ARHGEF11: variants seen among roughly 807,000 people sequenced by gnomAD.
ARHGEF11 encodes Rho guanine exchange factor (GEF) 11.
Under a neutral mutation model 193.7 loss-of-function variants are expected in ARHGEF11, and 55 were observed. The ratio of observed to expected loss-of-function variants is 0.28; its 90% CI spans 0.23 to 0.36. ARHGEF11 has a LOEUF of 0.36. Among genes scored for constraint, ARHGEF11 ranks in the 10% least tolerant of loss-of-function variants. The pLI is 1.00. For synonymous variants in ARHGEF11, 693 were observed against 768.0 expected, an observed-to-expected ratio of 0.90 and a Z score of 1.62; for missense variants, 1,723 against 2,005.6, an observed-to-expected ratio of 0.86 and a Z score of 2.69.
chr1:156,999,316 G>C (rs1401642038), intron 1 of ARHGEF11, among the ~76,000 whole-genome samples: 1 of 152,144 alleles, frequency 6.6e-6, no homozygotes, highest in Non-Finnish European at 1.5e-5. Flanking sequence ...AGTAGAGCCA[G>C]GACACAAGTT....
chr1:156,978,925 T>C (rs950320323), intron 5 of ARHGEF11, among the ~76,000 whole-genome samples: 1 of 152,212 alleles, frequency 6.6e-6, no homozygotes, highest in East Asian at 1.9e-4. Context: ...GCAGAGGGAA[T>C]TGAAAGGTAT....
chr1:156,947,978 A>T (rs1658454835), intron 24 of ARHGEF11, 22 bp from the exon 25 acceptor site: 1 of 1,608,652 alleles, frequency 6.2e-7, no homozygotes. Context: ...CAGGCAGCTC[A>T]GCTTCATTTA....
rs1663545978 is a variant in ARHGEF11, at chr1:156,978,213, T to A, written c.501A>T (p.Lys167Asn). 3 of 1,613,874 alleles carry A rather than the reference T, an allele frequency of 1.9e-6. No individual in the cohort carries two copies. Among genetic ancestry groups the A allele is most frequent in the Non-Finnish European group, 2.5e-6 (3 of 1,179,996 alleles). ...LPPPQRITGP[K>N]PLQDPEVQKH... The stretch of plus-strand genomic sequence containing the variant: ...CCAGGAGGATTATTACCTGCAGAGG[T>A]TTGGGTCCTGTGATGCGTTGTGGAG... The change falls in exon 6 of 41, where the codon AAA becomes AAT. Residue 167 changes from lysine to asparagine, a missense_variant. By Grantham distance (94) the Lys-to-Asn change is moderately conservative (BLOSUM62 0). This residue lies in a region of ARHGEF11 where 646 missense variants were observed against 710.7 expected (regional missense o/e 0.91). Transcript: ENST00000368194.
At position 156,939,898 on chromosome 1, in the gene ARHGEF11, C is replaced by G; in HGVS notation, c.3746G>C (p.Arg1249Pro). 4.4e-6 allele frequency: 7 copies of G among 1,604,774 alleles called. No homozygotes were observed. Among genetic ancestry groups the G allele is most frequent in the Non-Finnish European group, 5.9e-6 (7 of 1,179,700 alleles). ...DSALEDVENL[R>P]HLILWSLLPG... ...CAGCAGGCTCCACAGGATCAGATGT[C>G]GCAGGTTCTCCACTGGAGGGGAAAC... Residue 1249 changes from arginine (R) to proline (P), a missense_variant, in exon 37 of 41, where the codon CGA (arginine) becomes CCA (proline). Around this residue, in one of 5 missense-constraint regions of ARHGEF11, gnomAD observed 203 missense variants for 237.3 expected, o/e 0.86. Transcript: ENST00000368194.
chr1:156,972,825 C>T (rs995770830), intron 7 of ARHGEF11, among the ~76,000 whole-genome samples: 28 of 143,582 alleles, frequency 2.0e-4, no homozygotes, highest in African/African-American at 7.3e-4. Context: ...CTAAATCTTT[C>T]AAAAAGTTAA....
rs1307463455 is a variant in ARHGEF11 at position 156,988,957 on chromosome 1, C to T, written c.33-2784G>A. ...TCTGAGCACATATTTGGGAGGAAGA[C>T]CTTGGAAGGTTAAAAATCTGAGAAA... On this transcript the variant is annotated intron_variant, in intron 1 of 40. Coordinates refer to ENST00000368194, the MANE Select transcript of ARHGEF11 (RefSeq NM_198236.3). 2.0e-5 allele frequency among the ~76,000 whole-genome samples: 3 copies of T among 151,890 alleles called. No homozygotes were observed. The East Asian group carries it at 5.8e-4, about 29-fold the overall frequency.
At position 156,984,443 on chromosome 1, in the gene ARHGEF11, A is replaced by C; in HGVS notation, c.125-6T>G. ...GACACAGCGTTGAACGAGACCTGGA[A>C]GGCGGAGAGAAAGGTTGAGTACGCA... On this transcript the variant is annotated splice_region_variant and splice_polypyrimidine_tract_variant and intron_variant, in intron 2 of 40. Coordinates refer to ENST00000368194, the MANE Select transcript of ARHGEF11 (RefSeq NM_198236.3). 1 of 1,578,408 alleles carries C rather than the reference A, an allele frequency of 6.3e-7. No individual in the cohort carries two copies. The highest frequency in any genetic ancestry group is 1.2e-5 in the South Asian group (1 of 86,282).
At chr1:156,941,554 C>T (rs1032113831) in intron 34 of ARHGEF11, 121 bp from the exon 35 acceptor site, 9 of 1,152,848 alleles carry the variant, frequency 7.8e-6, no homozygotes, top group Non-Finnish European at 8.9e-6. Flanking sequence ...CCTGGCTGGT[C>T]TGCTTGGCAA....
chr1:156,970,224 C>T (rs1662318356), intron 8 of ARHGEF11, among the ~76,000 whole-genome samples, 181 bp from the exon 9 acceptor site: 1 of 152,172 alleles, frequency 6.6e-6, no homozygotes, highest in Admixed American at 6.5e-5. Context: ...ACAATGACCC[C>T]TAATGGTGGA....
chr1:157,040,630 A>C (rs1040541210), intron 1 of ARHGEF11, among the ~76,000 whole-genome samples: 13 of 152,094 alleles, frequency 8.5e-5, no homozygotes, highest in Non-Finnish European at 1.8e-4. Flanking sequence ...CTTCCTCCTG[A>C]CCCCATGCAC....
intron 1 of ARHGEF11, among the ~76,000 whole-genome samples, chr1:157,038,414 G>T (rs1672333657): frequency 6.6e-6 from 1 of 152,176 alleles, no homozygotes. Context: ...GTCAACAATG[G>T]TAATAGAGGG....
intron 1 of ARHGEF11, among the ~76,000 whole-genome samples, chr1:156,999,397 G>C (rs1023004820): frequency 2.6e-5 from 4 of 152,004 alleles, no homozygotes; most frequent in African/African-American, 9.7e-5. Context: ...CACGACGAGG[G>C]AGCTGAGCTA....
At chr1:156,942,612 G>C in intron 33 of ARHGEF11, 78 bp downstream of exon 33, 2 of 1,359,054 alleles carry the variant, frequency 1.5e-6, no homozygotes, top group Non-Finnish European at 2.1e-6. Context: ...ACCTGGCCTT[G>C]CTACCCACTG....
In ARHGEF11 at chr1:157,044,594, G is replaced by C; in HGVS notation, c.-264C>G. ...AAGAAAAAAGAAAAAAAAAGGAAAA[G>C]AGGAAAAACTACGACCTTCTCAGAA... On this transcript the variant is annotated 5_prime_UTR_variant, in exon 1 of 41. Coordinates refer to ENST00000368194, the MANE Select transcript of ARHGEF11 (RefSeq NM_198236.3). 1 of 497,318 alleles carries C rather than the reference G, an allele frequency of 2.0e-6. No homozygotes were observed. The highest frequency in any genetic ancestry group is 3.5e-6 in the Non-Finnish European group (1 of 282,098). The allele number at this position is 497,318 out of a possible 1,614,324, so 30.8% of individuals were successfully genotyped here. A position where few individuals can be genotyped will look rare whatever the true frequency, so the allele number is the denominator to read the frequency against.
chr1:156,968,146 T>C, intron 10 of ARHGEF11, 22 bp from the exon 11 acceptor site: 1 of 1,595,490 alleles, frequency 6.3e-7, no homozygotes, highest in Non-Finnish European at 8.6e-7. Context: ...AAGAATTCTG[T>C]GAGAAGGAAC....
intron 15 of ARHGEF11, among the ~76,000 whole-genome samples, chr1:156,960,001 C>T (rs1242115306): frequency 7.4e-6 from 1 of 135,810 alleles, no homozygotes; most frequent in African/African-American, 2.8e-5. Context: ...GAGGATGGAG[C>T]GAGGCCCTAG....
intron 5 of ARHGEF11, 117 bp downstream of exon 5, chr1:156,979,112 C>T: frequency 4.4e-6 from 4 of 905,394 alleles, no homozygotes; most frequent in South Asian, 1.4e-5. Context: ...ACTTTAGCTG[C>T]CTCACATATC....
chr1:156,995,357 T>C (rs1308596615), intron 1 of ARHGEF11, among the ~76,000 whole-genome samples: 2 of 152,134 alleles, frequency 1.3e-5, no homozygotes, highest in Non-Finnish European at 2.9e-5. Flanking sequence ...TCCCTCTCAC[T>C]CACTGTATTT....
Position 156,955,707 on chromosome 1 carries a change from T to C in ARHGEF11, c.1764A>G (p.Gln588=). The C allele has an allele frequency of 6.2e-7, 1 of 1,613,716 alleles. No individual in the cohort carries two copies. Among genetic ancestry groups the C allele is most frequent in the Non-Finnish European group, 8.5e-7 (1 of 1,179,582 alleles). ...TGTTGCTCCCCAAATACTCACTGCT[T>C]TGAGAAGAGCTTTTGGGCTTCCCAA... The part of the protein sequence containing the change: ...KYIGKPKSSS[Q]STFHIPLSPV... Residue 588 remains glutamine (Q), a synonymous_variant, in exon 20 of 41, where the codon CAA becomes CAG. Coordinates refer to ENST00000368194, the MANE Select transcript of ARHGEF11 (RefSeq NM_198236.3).
Sources: gnomAD v4.1 joint callset for allele counts (sites outside exome capture counted in the v4.1 genomes callset) on GRCh38, gnomAD v4.1.1 for gene constraint, gnomAD v4.1.1 regional missense constraint, MANE v1.5 for transcripts, NCBI Gene and HGNC (gene_info 2026-07-23, HGNC 2026-07-21) for gene names.